Variants in IL9R observed in about 807,000 individuals in gnomAD.
IL9R encodes interleukin-9 receptor.
Under a neutral mutation model 56.3 loss-of-function variants are expected in IL9R, and 54 were observed. The observed-to-expected ratio is 0.96, with a 90% CI of 0.77 to 1.20. The LOEUF is 1.20. Among genes scored for constraint, IL9R ranks in the 50% most tolerant of loss-of-function variants. The pLI is 0.00. For missense variants in IL9R, 545 were observed against 629.8 expected (o/e 0.87, Z 1.44); for synonymous variants, 212 against 250.2 (o/e 0.85, Z 1.44).
Position 155,997,787 on chromosome X carries a change from G to A in IL9R, c.28G>A (p.Gly10Ser), listed in dbSNP as rs372320860. The A allele has an allele frequency of 5.0e-6, 8 of 1,613,314 alleles. No individual in the cohort carries two copies. The highest frequency in any genetic ancestry group is 4.0e-5 in the African/African-American group (3 of 74,892). ...GGGACTGGGCAGATGCATCTGGGAA[G>A]GTGAGTCTGTGCTTTGGGCTTCCCA... is the stretch of plus-strand genomic sequence containing the variant. MGLGRCIWE[G>S]WTLESEALRR... The change falls in exon 1 of 9, where the codon GGC becomes AGC. Residue 10 changes from glycine to serine, a missense_variant and splice_region_variant. Physicochemically the swap from Gly to Ser is moderately conservative, Grantham distance 56. This residue lies in a region of IL9R where 431 missense variants were observed against 360.0 expected (regional missense o/e 1.20). Transcript: ENST00000244174.
chrX:156,009,252 CTGTGTGTGTGTGTT>C (rs2068286754), intron 8 of IL9R, among the ~76,000 whole-genome samples: 1 of 69,608 alleles, frequency 1.4e-5, no homozygotes, highest in African/African-American at 5.4e-5. Context: ...GTGTGTGTGT[CTGTGTGTGTGTGTT>C]TGTGTGTGTA....
Position 156,003,704 on chromosome X carries a change from G to A in IL9R, c.282G>A (p.Lys94=). The change falls in exon 4 of 9, where the codon AAG becomes AAA. Residue 94 remains lysine (K), a synonymous_variant. Transcript: ENST00000244174. ...TSNQAPGGTH[K]CILRGSECTV... is the part of the protein sequence containing the mutation. ...ACCAGGCTCCTGGCGGCACACATAA[G>A]TGCATCTTGCGGGGCAGTGAGTGCA... The A allele has an allele frequency of 1.9e-6, 3 of 1,613,592 alleles. No homozygotes were observed. Among genetic ancestry groups the A allele is most frequent in the Non-Finnish European group, 2.5e-6 (3 of 1,179,678 alleles).
intron 5 of IL9R, 110 bp downstream of exon 5, chrX:156,004,675 G>A: frequency 8.9e-7 from 1 of 1,120,652 alleles, no homozygotes; most frequent in Non-Finnish European, 1.3e-6. Flanking sequence ...TGAGAAGGGA[G>A]GAACTAGAGC....
chrX:155,999,247 C>T (rs768974074), intron 1 of IL9R, among the ~76,000 whole-genome samples: 26 of 152,176 alleles, frequency 1.7e-4, no homozygotes, highest in African/African-American at 6.3e-4. Context: ...CTCCCCTCTG[C>T]CCTGGGTATG....
intron 1 of IL9R, among the ~76,000 whole-genome samples, chrX:155,999,718 C>A (rs2067383075): frequency 6.6e-6 from 1 of 152,154 alleles, no homozygotes; most frequent in African/African-American, 2.4e-5. Context: ...CTTCCTCTTC[C>A]CCCAGCAGAC....
intron 4 of IL9R, 115 bp from the exon 5 acceptor site, chrX:156,004,305 T>A: frequency 9.4e-7 from 1 of 1,064,580 alleles, no homozygotes; most frequent in East Asian, 2.5e-5. Flanking sequence ...GTGCCTGGTC[T>A]GAGAGGGCCT....
intron 1 of IL9R, among the ~76,000 whole-genome samples, chrX:155,999,558 A>G (rs1410250539): frequency 3.9e-5 from 6 of 151,972 alleles, no homozygotes; most frequent in Non-Finnish European, 8.8e-5. Context: ...TCTGTGCCCA[A>G]CAGCATTGGG....
Position 156,005,310 on chromosome X carries a change from G to A in IL9R, c.612G>A (p.Val204=). 1 of 1,612,128 alleles carries A rather than the reference G, an allele frequency of 6.2e-7. No individual in the cohort carries two copies. Among genetic ancestry groups the A allele is most frequent in the Non-Finnish European group, 8.5e-7 (1 of 1,179,854 alleles). The stretch of plus-strand genomic sequence containing the variant: ...AGCACAGGGATCACATTGTCGGGGT[G>A]ACCTGGCTTATACTTGAAGCCTTTG... ...QAQHRDHIVG[V]TWLILEAFEL... Residue 204 remains valine (V), a synonymous_variant, in exon 6 of 9, where the codon GTG becomes GTA. Coordinates refer to ENST00000244174, the MANE Select transcript of IL9R (RefSeq NM_002186.3).
chrX:155,997,995 T>G (rs746887301), intron 1 of IL9R, among the ~76,000 whole-genome samples: 1 of 152,244 alleles, frequency 6.6e-6, no homozygotes, highest in African/African-American at 2.4e-5. Flanking sequence ...GATTACAAAC[T>G]AATTTCCAGT....
intron 8 of IL9R, among the ~76,000 whole-genome samples, chrX:156,009,232 T>G: frequency 1.0e-3 from 1 of 984 alleles, no homozygotes; most frequent in South Asian, 0.024. Context: ...TGTCTGTGTG[T>G]GTTCGTGTGG....
intron 2 of IL9R, 44 bp from the exon 3 acceptor site, chrX:156,003,405 G>T (rs1337846294): frequency 7.2e-7 from 1 of 1,388,130 alleles, no homozygotes; most frequent in Non-Finnish European, 1.0e-6. Flanking sequence ...CTCAGCTCTG[G>T]CCTGAAGTAC....
chrX:156,000,731 A>G (rs997348328), intron 1 of IL9R, among the ~76,000 whole-genome samples: 5 of 152,184 alleles, frequency 3.3e-5, no homozygotes, highest in African/African-American at 1.2e-4. Context: ...CCCTGTGGTC[A>G]AGGATGGGGG....
At chrX:156,006,031 G>A (rs1372962183) in intron 6 of IL9R, 52 bp from the exon 7 acceptor site, 3 of 921,734 alleles carry the variant, frequency 3.3e-6, no homozygotes, top group South Asian at 2.9e-5. Flanking sequence ...GGTTTGGGGG[G>A]AGCCTCCTGG....
chrX:156,004,640 A>T, intron 5 of IL9R, 75 bp downstream of exon 5: 1 of 1,433,854 alleles, frequency 7.0e-7, no homozygotes, highest in Non-Finnish European at 9.8e-7. Context: ...CCCACTCTAC[A>T]TAGGGAGATG....
Position 156,010,131 on chromosome X carries a change from A to C in IL9R, c.1288A>C (p.Arg430=), listed in dbSNP as rs1237637414. 1.3e-6 allele frequency: 2 copies of C among 1,581,504 alleles called. No individual in the cohort carries two copies. The highest frequency in any genetic ancestry group is 1.7e-6 in the Non-Finnish European group (2 of 1,177,314). The change falls in exon 9 of 9, where the codon AGG becomes CGG. Residue 430 remains arginine (R), a synonymous_variant. Coordinates refer to ENST00000244174, the MANE Select transcript of IL9R (RefSeq NM_002186.3). Reference sequence around the variant, plus strand: ...GGCTCCCCCAGACTCAGAGGGCAGCAGGAGCAGCAGCAGCAGCAGCAGCAG... The same window carrying C: ...GGCTCCCCCAGACTCAGAGGGCAGCCGGAGCAGCAGCAGCAGCAGCAGCAG... ...RPAPPDSEGS[R]SSSSSSSSNN... is the part of the protein sequence containing the mutation.
At chrX:156,009,290 GTGTGTT>G (rs1189005881) in intron 8 of IL9R, among the ~76,000 whole-genome samples, 5 of 147,706 alleles carry the variant, frequency 3.4e-5, no homozygotes, top group African/African-American at 1.3e-4. Flanking sequence ...CTGTGTGTGT[GTGTGTT>G]TATGTGTGTG....
intron 5 of IL9R, among the ~76,000 whole-genome samples, chrX:156,005,032 G>A (rs774260294): frequency 6.6e-6 from 1 of 152,032 alleles, no homozygotes; most frequent in Non-Finnish European, 1.5e-5. Context: ...GAGTGTGAAA[G>A]TGTTCCTGTA....
chrX:156,004,160 A>G lies in IL9R; in HGVS notation c.434-260A>G, dbSNP rs3093498. On this transcript the variant is annotated intron_variant, in intron 4 of 8. Transcript: ENST00000244174. The stretch of plus-strand genomic sequence containing the variant: ...GGAAGGACTCCAATAAGATGCTGGG[A>G]AAAGCTTCCAGCAGCAGACTGTGAA... 6.7e-4 allele frequency: 399 copies of G among 599,686 alleles called. 3 individuals carry two copies. In the African/African-American group the frequency reaches 7.1e-3, roughly 11 times the overall value. 37.1% of individuals were successfully genotyped at this position (599,686 alleles called of 1,614,324 possible). A position where few individuals can be genotyped will look rare whatever the true frequency, so the allele number is the denominator to read the frequency against.
At chrX:156,002,322 C>G (rs1350177902) in intron 1 of IL9R, among the ~76,000 whole-genome samples, 1 of 152,140 alleles carries the variant, frequency 6.6e-6, no homozygotes, top group Non-Finnish European at 1.5e-5. Context: ...TGCACTCTAG[C>G]CTGGGTGACA....
Sources: allele counts gnomAD v4.1 joint callset (sites outside exome capture counted in the v4.1 genomes callset), GRCh38; gene constraint gnomAD v4.1.1; regional missense constraint gnomAD v4.1.1; transcripts MANE v1.5; gene names NCBI Gene and HGNC (gene_info 2026-07-23, HGNC 2026-07-21).